Variants in KALRN observed in about 807,000 individuals in gnomAD.
The protein encoded by KALRN is kalirin RhoGEF kinase.
Under a neutral mutation model 353.7 loss-of-function variants are expected in KALRN, and 70 were observed. The ratio of observed to expected loss-of-function variants is 0.20; its 90% CI spans 0.16 to 0.24. The LOEUF (loss-of-function observed/expected upper bound fraction) is 0.24, where lower values mean the gene tolerates loss of function less well. Ranked by LOEUF, KALRN falls within the 10% of genes least tolerant of loss-of-function variation. KALRN has a pLI of 1.00. For missense variants in KALRN, 2,791 were observed against 3,756.7 expected (o/e 0.74, Z 6.72); for synonymous variants, 1,391 against 1,434.8 (o/e 0.97, Z 0.69).
At chr3:124,122,499 A>G (rs984716166) in intron 1 of KALRN, among the ~76,000 whole-genome samples, 9 of 152,224 alleles carry the variant, frequency 5.9e-5, no homozygotes, top group African/African-American at 1.9e-4. Context: ...GAGCAAGTCT[A>G]TCAACACTGT....
chr3:124,518,757 T>G (rs916822658), intron 33 of KALRN: 86 of 1,346,752 alleles, frequency 6.4e-5, no homozygotes, highest in Non-Finnish European at 7.6e-5. Context: ...AATGGCCCAA[T>G]GTACTTCCCC....
At chr3:124,643,347 C>A (rs2082322344) in intron 37 of KALRN, among the ~76,000 whole-genome samples, 1 of 152,022 alleles carries the variant, frequency 6.6e-6, no homozygotes, top group Non-Finnish European at 1.5e-5. Flanking sequence ...AGTTACAAAT[C>A]TGAAATGTCA....
chr3:124,136,488 G>GT (rs2065931868), intron 1 of KALRN, among the ~76,000 whole-genome samples: 1 of 152,014 alleles, frequency 6.6e-6, no homozygotes, highest in South Asian at 2.1e-4. Context: ...AATTGCCAAG[G>GT]TCCCCCCCCC....
At position 124,461,931 on chromosome 3, in the gene KALRN, T is replaced by C. The variant is rs1322971246; in HGVS notation, c.3896T>C (p.Val1299Ala). The C allele has an allele frequency of 2.5e-6, 4 of 1,613,396 alleles. No individual in the cohort carries two copies. Among genetic ancestry groups the C allele is most frequent in the Admixed American group, 1.7e-5 (1 of 60,008 alleles). The part of the protein sequence containing the change: ...AELLQTEKAY[V>A]RDLHECLETY... ...CTACTCCAGACAGAGAAGGCTTATG[T>C]AAGGGATTTGCATGAGTGCTTAGAG... Residue 1299 changes from valine to alanine, a missense_variant, in exon 24 of 60, where the codon GTA (valine) becomes GCA (alanine). Physicochemically the swap from Val to Ala is moderately conservative, Grantham distance 64 (BLOSUM62 0). Around this residue, in one of 11 missense-constraint regions of KALRN, gnomAD observed 268 missense variants for 347.0 expected, o/e 0.77. Transcript: ENST00000682506.
intron 26 of KALRN, among the ~76,000 whole-genome samples, chr3:124,476,455 G>T (rs2061433316): frequency 1.3e-5 from 2 of 152,012 alleles, no homozygotes; most frequent in Admixed American, 6.5e-5. Context: ...TAGCATAAAT[G>T]AAACCTGCTG....
At chr3:124,691,321 G>A (rs200767640) in intron 51 of KALRN, among the ~76,000 whole-genome samples, 1 of 152,158 alleles carries the variant, frequency 6.6e-6, no homozygotes, top group Admixed American at 6.6e-5. Flanking sequence ...CCAGCTACTC[G>A]GGAGGCTGAG....
intron 10 of KALRN, among the ~76,000 whole-genome samples, chr3:124,378,111 CT>C (rs1217406421): frequency 2.0e-5 from 3 of 151,866 alleles, no homozygotes; most frequent in East Asian, 3.9e-4. Context: ...TTTGTTTCAT[CT>C]GTTGCTTTTC....
intron 1 of KALRN, among the ~76,000 whole-genome samples, chr3:124,167,432 A>G (rs1246555334): frequency 6.6e-6 from 1 of 152,236 alleles, no homozygotes; most frequent in Non-Finnish European, 1.5e-5. Context: ...TCTGTAAGGT[A>G]TGACCCGAGG....
chr3:124,165,810 G>A (rs548933654), intron 1 of KALRN, among the ~76,000 whole-genome samples: 4 of 152,054 alleles, frequency 2.6e-5, no homozygotes, highest in East Asian at 3.9e-4. Flanking sequence ...AAGTGCTTTC[G>A]CACTGTACCT....
At chr3:124,251,480 C>G (rs1330352701) in intron 3 of KALRN, among the ~76,000 whole-genome samples, 3 of 151,594 alleles carry the variant, frequency 2.0e-5, no homozygotes, top group African/African-American at 7.3e-5. Flanking sequence ...AGCTATCCTC[C>G]CACCTCAGCC....
At chr3:124,568,790 T>C (rs2073166030) in intron 34 of KALRN, among the ~76,000 whole-genome samples, 1 of 152,134 alleles carries the variant, frequency 6.6e-6, no homozygotes, top group African/African-American at 2.4e-5. Flanking sequence ...CCTTGAGTAG[T>C]CAACTTTTTA....
chr3:124,458,130 G>T, intron 23 of KALRN, among the ~76,000 whole-genome samples: 1 of 151,960 alleles, frequency 6.6e-6, no homozygotes, highest in Admixed American at 6.6e-5. Context: ...ACAAAAATTA[G>T]CCGGGCATGG....
rs542769583 is a variant in KALRN at position 124,334,880 on chromosome 3, C to T, written c.1647+385C>T. 4.6e-5 allele frequency among the ~76,000 whole-genome samples: 7 copies of T among 152,292 alleles called. No homozygotes were observed. The highest frequency in any genetic ancestry group is 3.9e-4 in the East Asian group (2 of 5,186). On this transcript the variant is annotated intron_variant, in intron 9 of 59. Transcript: ENST00000682506. This position sits in a 1 kb window ranked among gnomAD's most constrained non-coding sequence, Gnocchi z 4.2. ...TGTGATCTTGGCTCACTGCAACCTC[C>T]GCTTTCTGGGTTCAAGCGATTCTTG... is the stretch of plus-strand genomic sequence containing the variant.
chr3:124,108,029 C>T (rs540236449), intron 1 of KALRN, among the ~76,000 whole-genome samples: 1 of 152,294 alleles, frequency 6.6e-6, no homozygotes, highest in East Asian at 1.9e-4. Context: ...TCTTGAACAC[C>T]TGGAATATAT....
At chr3:124,052,228 G>C (rs915229988) in intron 1 of KALRN, among the ~76,000 whole-genome samples, 1 of 152,198 alleles carries the variant, frequency 6.6e-6, no homozygotes, top group Non-Finnish European at 1.5e-5. Context: ...TAGCCCCCTT[G>C]GGGAGGATCA....
Position 124,719,644 on chromosome 3 carries a change from C to A in KALRN, c.*174C>A, listed in dbSNP as rs1579106858. 7.9e-6 allele frequency: 5 copies of A among 632,752 alleles called. No individual in the cohort carries two copies. The East Asian group carries it at 1.4e-4, about 18-fold the overall frequency. The allele number at this position is 632,752 out of a possible 1,614,324, so 39.2% of individuals were successfully genotyped here. A position where few individuals can be genotyped will look rare whatever the true frequency, so the allele number is the denominator to read the frequency against. ...TCAGGGTCTGAGCAGCAGTAAAAGTCACCCTAAATCAAGGGGCTTTTCAGA... is the reference window on the plus strand; with the variant it reads ...TCAGGGTCTGAGCAGCAGTAAAAGTAACCCTAAATCAAGGGGCTTTTCAGA... On this transcript the variant is annotated 3_prime_UTR_variant, in exon 60 of 60. Transcript: ENST00000682506. The surrounding 1 kb of genome is among the most constrained non-coding windows in gnomAD (Gnocchi z 5.3).
chr3:124,518,754 C>CAATGTACTT, intron 33 of KALRN: 1 of 1,348,714 alleles, frequency 7.4e-7, no homozygotes. Context: ...CCCAATGGCC[C>CAATGTACTT]AATGTACTTC....
intron 1 of KALRN, among the ~76,000 whole-genome samples, chr3:124,203,944 A>G (rs2076176062): frequency 6.6e-6 from 1 of 152,328 alleles, no homozygotes; most frequent in Admixed American, 6.5e-5. Flanking sequence ...AAGCTCTTGT[A>G]TATGGAGGGC....
intron 34 of KALRN, among the ~76,000 whole-genome samples, chr3:124,614,933 C>A (rs1228051198): frequency 2.0e-5 from 3 of 152,184 alleles, no homozygotes; most frequent in Admixed American, 2.0e-4. Context: ...AGCCTCTTCT[C>A]ATGTTTGTGA....
Sources: allele counts gnomAD v4.1 joint callset (sites outside exome capture counted in the v4.1 genomes callset), GRCh38; gene constraint gnomAD v4.1.1; regional missense constraint gnomAD v4.1.1; non-coding constraint Gnocchi (gnomAD v3.1); transcripts MANE v1.5; gene names NCBI Gene and HGNC (gene_info 2026-07-23, HGNC 2026-07-21).